GAPVD1: variants seen among roughly 807,000 people sequenced by gnomAD.
GAPVD1 encodes GTPase-activating protein and VPS9 domain-containing protein 1.
GAPVD1 carries 35 observed loss-of-function variants against 155.5 expected under a neutral mutation model. The ratio of observed to expected loss-of-function variants is 0.23; its 90% confidence interval spans 0.17 to 0.30. The LOEUF (loss-of-function observed/expected upper bound fraction) is 0.30, where lower values mean the gene tolerates loss of function less well. Among genes scored for constraint, GAPVD1 ranks in the 10% least tolerant of loss-of-function variants. GAPVD1 has a pLI of 1.00. For missense variants in GAPVD1, 1,429 were observed against 1,775.7 expected, an observed-to-expected ratio of 0.80 and a Z score of 3.51; for synonymous variants, 636 against 619.7, an observed-to-expected ratio of 1.03 and a Z score of -0.39.
chr9:125,356,286 C>T (rs1054686467), intron 25 of GAPVD1, among the ~76,000 whole-genome samples: 3 of 152,186 alleles, frequency 2.0e-5, no homozygotes, highest in Non-Finnish European at 4.4e-5. Flanking sequence ...CTGTTTGAGT[C>T]ATGGTTTCTG....
intron 1 of GAPVD1, among the ~76,000 whole-genome samples, chr9:125,264,426 C>T (rs1027746211): frequency 6.6e-6 from 1 of 152,114 alleles, no homozygotes; most frequent in African/African-American, 2.4e-5. Context: ...AAGTCCTGAC[C>T]TCAGGTGATC....
intron 2 of GAPVD1, among the ~76,000 whole-genome samples, chr9:125,291,895 G>T (rs553293971): frequency 6.6e-6 from 1 of 152,108 alleles, no homozygotes; most frequent in Admixed American, 6.6e-5. Flanking sequence ...ACTGTGAAAA[G>T]GATTGAAGAG....
At chr9:125,336,691 A>G in intron 15 of GAPVD1, 1 of 228,888 alleles carries the variant, frequency 4.4e-6, no homozygotes, top group Non-Finnish European at 8.6e-6. Flanking sequence ...GGCTCAGGGA[A>G]GCTGTGACAT....
chr9:125,298,843 C>A, intron 3 of GAPVD1, 47 bp from the exon 4 acceptor site: 2 of 805,800 alleles, frequency 2.5e-6, no homozygotes, highest in Non-Finnish European at 3.8e-6. Context: ...TAGAAAAGAA[C>A]TTAAGTGACA....
chr9:125,313,339 T>C (rs1393319275), intron 9 of GAPVD1, among the ~76,000 whole-genome samples: 1 of 150,574 alleles, frequency 6.6e-6, no homozygotes, highest in African/African-American at 2.4e-5. Flanking sequence ...AGTCTCACTC[T>C]GTCACCTAGG....
chr9:125,262,571 A>G (rs985481440), intron 1 of GAPVD1, among the ~76,000 whole-genome samples: 1 of 152,198 alleles, frequency 6.6e-6, no homozygotes, highest in Admixed American at 6.5e-5. Flanking sequence ...AAGTACACCC[A>G]GGGTTCTGTG....
At chr9:125,316,116 A>T (rs1261474980) in intron 9 of GAPVD1, among the ~76,000 whole-genome samples, 6 of 152,242 alleles carry the variant, frequency 3.9e-5, no homozygotes, top group Admixed American at 2.6e-4. Context: ...TAGTCACTAC[A>T]ACAAGCAGCA....
chr9:125,330,838 A>G (rs562205464), intron 13 of GAPVD1, among the ~76,000 whole-genome samples: 2 of 152,334 alleles, frequency 1.3e-5, no homozygotes, highest in East Asian at 1.9e-4. Context: ...CCACAAACTC[A>G]TGACAGGATA....
intron 1 of GAPVD1, among the ~76,000 whole-genome samples, chr9:125,267,122 C>G (rs1210382277): frequency 2.0e-5 from 3 of 152,146 alleles, no homozygotes; most frequent in African/African-American, 7.2e-5. Context: ...AATTGTAAGC[C>G]TACAGAAGGG....
chr9:125,355,338 T>C (rs1849915261), intron 24 of GAPVD1, among the ~76,000 whole-genome samples: 1 of 152,192 alleles, frequency 6.6e-6, no homozygotes, highest in African/African-American at 2.4e-5. Flanking sequence ...TCTCCTGACC[T>C]CGTGATCCGC....
intron 23 of GAPVD1, among the ~76,000 whole-genome samples, chr9:125,352,123 GT>G: frequency 6.6e-6 from 1 of 152,300 alleles, no homozygotes; most frequent in South Asian, 2.1e-4. Flanking sequence ...ATGGGCTGGT[GT>G]GGAGTTGCTG....
intron 9 of GAPVD1, among the ~76,000 whole-genome samples, chr9:125,313,308 T>G (rs1377202711): frequency 1.4e-5 from 2 of 140,586 alleles, no homozygotes; most frequent in Admixed American, 1.4e-4. Flanking sequence ...TTTCTTTTTC[T>G]TTTTTTTTTT....
intron 12 of GAPVD1, 128 bp from the exon 13 acceptor site, chr9:125,329,950 G>A (rs1845846476): frequency 3.1e-6 from 2 of 645,590 alleles, no homozygotes; most frequent in South Asian, 2.1e-5. Flanking sequence ...CCAAAGTGCT[G>A]GGATTACAGG....
chr9:125,321,297 G>T, intron 9 of GAPVD1, 136 bp from the exon 10 acceptor site: 1 of 600,158 alleles, frequency 1.7e-6, no homozygotes, highest in Non-Finnish European at 2.9e-6. Context: ...TTAAAAGCTT[G>T]ACAGACCTTC....
At chr9:125,297,616 G>A (rs1840082631) in intron 3 of GAPVD1, among the ~76,000 whole-genome samples, 1 of 152,148 alleles carries the variant, frequency 6.6e-6, no homozygotes, top group African/African-American at 2.4e-5. Context: ...AACTAGGGTG[G>A]GATTGTAGGA....
intron 2 of GAPVD1, among the ~76,000 whole-genome samples, chr9:125,277,948 G>GT (rs1836079094): frequency 6.6e-6 from 1 of 152,064 alleles, no homozygotes; most frequent in African/African-American, 2.4e-5. Flanking sequence ...GATTATAAGC[G>GT]TGAGCCACTG....
chr9:125,315,906 A>G (rs1245054154), intron 9 of GAPVD1, among the ~76,000 whole-genome samples: 6 of 152,164 alleles, frequency 3.9e-5, no homozygotes, highest in African/African-American at 1.4e-4. Context: ...CCAAGTAGGA[A>G]GTGAAGGCTA....
chr9:125,271,324 G>C (rs1429624287), intron 2 of GAPVD1, among the ~76,000 whole-genome samples: 1 of 151,000 alleles, frequency 6.6e-6, no homozygotes, highest in South Asian at 2.1e-4. Context: ...TGTCAGACGT[G>C]TTTAGTTCTT....
intron 9 of GAPVD1, among the ~76,000 whole-genome samples, chr9:125,318,577 T>G (rs888840770): frequency 2.6e-5 from 4 of 152,196 alleles, no homozygotes; most frequent in Non-Finnish European, 5.9e-5. Flanking sequence ...GATGTTTTAG[T>G]TTCACATCAC....
Sources: allele counts gnomAD v4.1 joint callset (sites outside exome capture counted in the v4.1 genomes callset), GRCh38; gene constraint gnomAD v4.1.1; transcripts MANE v1.5; gene names NCBI Gene and HGNC (gene_info 2026-07-23, HGNC 2026-07-21).